The following CUL1 variants were observed in gnomAD, a reference collection of about 807,000 sequenced individuals.
The protein encoded by CUL1 is cullin 1.
In CUL1, 24 loss-of-function variants were observed where a neutral mutation model predicts 118.0. That is an observed-to-expected ratio of 0.20 (90% confidence interval 0.15 to 0.29). CUL1 has a LOEUF of 0.29. Ranked by LOEUF, CUL1 falls within the 10% of genes least tolerant of loss-of-function variation. The pLI is 1.00. For missense variants in CUL1, 361 were observed against 933.8 expected (o/e 0.39, Z 7.99); for synonymous variants, 332 against 340.4 (o/e 0.98, Z 0.27).
chr7:148,727,966 C>T (rs993502973), intron 1 of CUL1, among the ~76,000 whole-genome samples: 6 of 152,076 alleles, frequency 3.9e-5, no homozygotes, highest in Non-Finnish European at 7.3e-5. Context: ...AGGATGACAG[C>T]GATTTTAGAC....
chr7:148,797,427 G>T (rs1584827039), intron 17 of CUL1, among the ~76,000 whole-genome samples: 3 of 148,894 alleles, frequency 2.0e-5, no homozygotes, highest in African/African-American at 7.5e-5. Flanking sequence ...TCATGGCGCA[G>T]TTGAAATTTC....
intron 9 of CUL1, among the ~76,000 whole-genome samples, chr7:148,772,361 G>A (rs1350965496): frequency 6.6e-6 from 1 of 151,404 alleles, no homozygotes; most frequent in Non-Finnish European, 1.5e-5. Context: ...GTTGCAGTGA[G>A]CCAAGATTGC....
intron 1 of CUL1, among the ~76,000 whole-genome samples, chr7:148,715,308 G>A (rs192209232): frequency 1.3e-5 from 2 of 152,214 alleles, no homozygotes; most frequent in Admixed American, 1.3e-4. Context: ...CGTGTTGAGC[G>A]AGTCGTTTCC....
chr7:148,711,687 TAGAA>T lies in CUL1; in HGVS notation c.-162+12661_-162+12664del, dbSNP rs1196741377. The stretch of plus-strand genomic sequence containing the variant: ...ATTATCTTAGTCGAAAGAAAAATAA[TAGAA>T]AGGGGTGTCTTATTGATGAATAGAT... On this transcript the variant is annotated intron_variant, in intron 1 of 21. Transcript: ENST00000325222. Among the ~76,000 whole-genome samples, 10 of 152,254 alleles carry T rather than the reference TAGAA, an allele frequency of 6.6e-5. 1 individual carries two copies. The South Asian group carries it at 2.1e-3, about 32-fold the overall frequency.
At chr7:148,786,174 G>A (rs1800808226) in intron 11 of CUL1, among the ~76,000 whole-genome samples, 1 of 152,158 alleles carries the variant, frequency 6.6e-6, no homozygotes, top group South Asian at 2.1e-4. Flanking sequence ...GAATCTATGT[G>A]CCTTTTTATT....
intron 2 of CUL1, among the ~76,000 whole-genome samples, chr7:148,737,815 C>G (rs978113474): frequency 1.3e-4 from 19 of 151,972 alleles, no homozygotes; most frequent in Non-Finnish European, 2.9e-5. Context: ...CCAGGCTGGT[C>G]TTGAGCTCCT....
chr7:148,778,333 G>T (rs1800488782), intron 9 of CUL1, among the ~76,000 whole-genome samples: 1 of 151,944 alleles, frequency 6.6e-6, no homozygotes, highest in Non-Finnish European at 1.5e-5. Context: ...CAAAATTAAT[G>T]TTTTCCCCTG....
intron 17 of CUL1, among the ~76,000 whole-genome samples, chr7:148,794,186 T>G (rs1417049253): frequency 6.6e-6 from 1 of 152,166 alleles, no homozygotes; most frequent in Non-Finnish European, 1.5e-5. Context: ...TTTTTTCCCA[T>G]TCTGTGGGTT....
At chr7:148,725,780 G>A (rs983574360) in intron 1 of CUL1, among the ~76,000 whole-genome samples, 1 of 152,162 alleles carries the variant, frequency 6.6e-6, no homozygotes, top group Non-Finnish European at 1.5e-5. Flanking sequence ...TGCTGTATTA[G>A]TTATTAATGT....
chr7:148,800,688 C>T lies in CUL1; in HGVS notation c.*106C>T. The T allele has an allele frequency of 1.2e-6, 1 of 846,026 alleles. No individual in the cohort carries two copies. 52.4% of individuals were successfully genotyped at this position (846,026 alleles called of 1,614,324 possible). A position where few individuals can be genotyped will look rare whatever the true frequency, so the allele number is the denominator to read the frequency against. On this transcript the variant is annotated 3_prime_UTR_variant, in exon 22 of 22. Coordinates refer to ENST00000325222, the MANE Select transcript of CUL1 (RefSeq NM_003592.3). This position sits in a 1 kb window ranked among gnomAD's most constrained non-coding sequence, Gnocchi z 4.6. ...AGCCAGCCTGCCGCCATTGGACCTC[C>T]CTTTTAAAAACTGAGACCAAGACTC...
At chr7:148,749,499 C>A (rs1442740198) in intron 2 of CUL1, among the ~76,000 whole-genome samples, 3 of 150,842 alleles carry the variant, frequency 2.0e-5, no homozygotes, top group African/African-American at 2.4e-5. Context: ...CAAAATAGTT[C>A]TTTAAAAAAC....
chr7:148,755,282 C>G (rs935237594), intron 3 of CUL1, among the ~76,000 whole-genome samples: 4 of 152,110 alleles, frequency 2.6e-5, no homozygotes, highest in African/African-American at 9.7e-5. Context: ...CAAGTGGGTC[C>G]TTCATCTGGT....
intron 11 of CUL1, among the ~76,000 whole-genome samples, chr7:148,784,627 CT>C (rs1448986365): frequency 7.9e-5 from 12 of 152,088 alleles, no homozygotes; most frequent in African/African-American, 2.9e-4. Context: ...TTCTCTTTCA[CT>C]TTAAGTTTCC....
intron 1 of CUL1, among the ~76,000 whole-genome samples, chr7:148,716,709 G>A (rs243529): frequency 0.45 from 68,200 of 152,086 alleles, 16,283 homozygotes; most frequent in African/African-American, 0.62. Context: ...TCAGTTAAGT[G>A]TCTGCTAAGA....
At chr7:148,758,948 G>A (rs142928360) in intron 4 of CUL1, among the ~76,000 whole-genome samples, 1 of 152,168 alleles carries the variant, frequency 6.6e-6, no homozygotes, top group Non-Finnish European at 1.5e-5. Context: ...TAGGAATCAG[G>A]ATGGTCTTGG....
At chr7:148,797,317 G>A (rs1237539987) in intron 17 of CUL1, among the ~76,000 whole-genome samples, 2 of 147,476 alleles carry the variant, frequency 1.4e-5, no homozygotes, top group African/African-American at 5.1e-5. Flanking sequence ...TCCAATACAG[G>A]TTCAACATCC....
intron 2 of CUL1, among the ~76,000 whole-genome samples, chr7:148,736,326 T>C (rs1053860059): frequency 1.3e-5 from 2 of 152,032 alleles, no homozygotes; most frequent in African/African-American, 4.8e-5. Flanking sequence ...TGAGATAGAG[T>C]CTTGCCCTTT....
At chr7:148,762,631 G>T (rs372340757) in intron 7 of CUL1, among the ~76,000 whole-genome samples, 61 of 152,326 alleles carry the variant, frequency 4.0e-4, no homozygotes, top group African/African-American at 1.4e-3. Context: ...ATGAAACTCT[G>T]CTGTATATGG....
intron 9 of CUL1, among the ~76,000 whole-genome samples, chr7:148,781,133 A>G (rs1025897674): frequency 1.2e-4 from 14 of 120,958 alleles, no homozygotes; most frequent in Non-Finnish European, 1.1e-4. Context: ...CTGGGCTGGA[A>G]TGCAGTGGCG....
Sources: allele counts gnomAD v4.1 joint callset (sites outside exome capture counted in the v4.1 genomes callset), GRCh38; gene constraint gnomAD v4.1.1; non-coding constraint Gnocchi (gnomAD v3.1); transcripts MANE v1.5; gene names NCBI Gene and HGNC (gene_info 2026-07-23, HGNC 2026-07-21).